FARS2: variants seen among roughly 807,000 people sequenced by gnomAD.
FARS2 encodes phenylalanine--tRNA ligase, mitochondrial.
In FARS2, 40 loss-of-function variants were observed where a neutral mutation model predicts 46.4. That is an observed-to-expected ratio of 0.86 (90% CI 0.67 to 1.12). The LOEUF (loss-of-function observed/expected upper bound fraction) is 1.12, where lower values mean the gene tolerates loss of function less well. Ranked by LOEUF, FARS2 falls within the 50% of genes most tolerant of loss-of-function variation. The pLI, the probability that FARS2 is intolerant of heterozygous loss-of-function variation, is 0.00. For synonymous variants in FARS2, 234 were observed against 214.9 expected, an observed-to-expected ratio of 1.09 and a Z score of -0.78; for missense variants, 513 against 567.9, an observed-to-expected ratio of 0.90 and a Z score of 0.98.
At chr6:5,579,007 A>C (rs190055319) in intron 5 of FARS2, among the ~76,000 whole-genome samples, 209 of 152,280 alleles carry the variant, frequency 1.4e-3, no homozygotes, top group Non-Finnish European at 2.1e-3. Context: ...AGTGAGTTTC[A>C]ATACACATAA....
At chr6:5,459,697 C>G (rs548927504) in intron 4 of FARS2, among the ~76,000 whole-genome samples, 1 of 152,274 alleles carries the variant, frequency 6.6e-6, no homozygotes, top group Non-Finnish European at 1.5e-5. Flanking sequence ...AGTTTACTCC[C>G]TTTCTAGCTT....
intron 2 of FARS2, chr6:5,371,056 T>C (rs1359216807): frequency 3.4e-6 from 1 of 294,832 alleles, no homozygotes; most frequent in Non-Finnish European, 5.0e-6. Context: ...TGCCTAGAAC[T>C]GGAACTCAGC....
intron 5 of FARS2, chr6:5,609,266 G>A: frequency 9.1e-7 from 1 of 1,093,098 alleles, no homozygotes; most frequent in Non-Finnish European, 1.4e-6. Flanking sequence ...TGCTGCTACT[G>A]GAACTGCCCT....
At chr6:5,432,423 ATATAT>A (rs1161262447) in intron 4 of FARS2, among the ~76,000 whole-genome samples, 3 of 127,686 alleles carry the variant, frequency 2.3e-5, no homozygotes, top group African/African-American at 6.0e-5. Flanking sequence ...ATAATATATA[ATATAT>A]TATAAATATA....
intron 5 of FARS2, among the ~76,000 whole-genome samples, chr6:5,546,320 G>A (rs1770990858): frequency 6.8e-6 from 1 of 146,794 alleles, no homozygotes; most frequent in Non-Finnish European, 1.5e-5. Context: ...GCGCGATCTT[G>A]GCTCACTGCA....
At chr6:5,436,921 G>A (rs1350840248) in intron 4 of FARS2, among the ~76,000 whole-genome samples, 2 of 152,292 alleles carry the variant, frequency 1.3e-5, no homozygotes, top group East Asian at 1.9e-4. Context: ...TATAATTGAA[G>A]TGTAATGAAC....
intron 4 of FARS2, among the ~76,000 whole-genome samples, chr6:5,510,492 T>C (rs1191388308): frequency 6.6e-6 from 1 of 152,216 alleles, no homozygotes; most frequent in African/African-American, 2.4e-5. Context: ...TCGCCCTAGT[T>C]AGTCTTTAAG....
intron 1 of FARS2, among the ~76,000 whole-genome samples, chr6:5,314,738 A>G (rs959912355): frequency 1.3e-5 from 2 of 152,198 alleles, no homozygotes; most frequent in Non-Finnish European, 2.9e-5. Flanking sequence ...ATATGGGGTT[A>G]CCACTGGCTC....
Position 5,431,179 on chromosome 6 carries a change from A to G in FARS2, c.904+7A>G. The G allele has an allele frequency of 6.2e-7, 1 of 1,613,454 alleles. No individual in the cohort carries two copies. The highest frequency in any genetic ancestry group is 8.5e-7 in the Non-Finnish European group (1 of 1,179,576). On this transcript the variant is annotated splice_region_variant and intron_variant, in intron 4 of 6. Coordinates refer to ENST00000274680, the MANE Select transcript of FARS2 (RefSeq NM_006567.5). ...CAACAACTGGTCAATTCAGGTAAAA[A>G]AGAATCCCACATTTTATTTACACGT...
rs983849626 is a variant in FARS2 at position 5,599,612 on chromosome 6, T to C, written c.1066-13557T>C. Among the ~76,000 whole-genome samples, 5 of 152,284 alleles carry C rather than the reference T, an allele frequency of 3.3e-5. No individual in the cohort carries two copies. In the East Asian group the frequency reaches 9.6e-4, roughly 29 times the overall value. On this transcript the variant is annotated intron_variant, in intron 5 of 6. Transcript: ENST00000274680. ...ACGTTTGCAAGATTAATTTACCTGC[T>C]ATACAATTCACCCATTTAAGGTCTG...
chr6:5,640,728 A>T (rs1776775641), intron 6 of FARS2, among the ~76,000 whole-genome samples: 1 of 152,212 alleles, frequency 6.6e-6, no homozygotes, highest in African/African-American at 2.4e-5. Flanking sequence ...CAGACACCTG[A>T]CCCATACCAC....
chr6:5,768,041 G>C lies in FARS2; in HGVS notation c.1218-3250G>C, dbSNP rs151105760. Among the ~76,000 whole-genome samples, 56 of 152,158 alleles carry C rather than the reference G, an allele frequency of 3.7e-4. 1 individual carries two copies. In the East Asian group the frequency reaches 0.011, roughly 29 times the overall value. On this transcript the variant is annotated intron_variant, in intron 6 of 6. Coordinates refer to ENST00000274680, the MANE Select transcript of FARS2 (RefSeq NM_006567.5). ...CCACTCTTCAAGAATGAGGGACCAG[G>C]GTCCTCCACTCCTGACCACTTGCCA...
chr6:5,284,813 C>T (rs987095507), intron 1 of FARS2, among the ~76,000 whole-genome samples: 1 of 152,286 alleles, frequency 6.6e-6, no homozygotes, highest in African/African-American at 2.4e-5. Flanking sequence ...CTCCTCTCAG[C>T]GCTTCTGTCT....
chr6:5,315,535 A>G (rs1229211308), intron 1 of FARS2, among the ~76,000 whole-genome samples: 3 of 152,192 alleles, frequency 2.0e-5, no homozygotes, highest in Non-Finnish European at 2.9e-5. Flanking sequence ...TAAATGGGAA[A>G]TTCATTTGAT....
At chr6:5,264,314 G>A (rs1056249282) in intron 1 of FARS2, among the ~76,000 whole-genome samples, 1 of 152,080 alleles carries the variant, frequency 6.6e-6, no homozygotes, top group Non-Finnish European at 1.5e-5. Context: ...ATGAATCCAA[G>A]TATTATACAT....
chr6:5,495,733 G>C (rs1334812930), intron 4 of FARS2, among the ~76,000 whole-genome samples: 1 of 152,202 alleles, frequency 6.6e-6, no homozygotes, highest in Non-Finnish European at 1.5e-5. Flanking sequence ...TGATTGGCTT[G>C]ATCCATGCTA....
At chr6:5,614,116 C>G (rs754815934) in intron 6 of FARS2, among the ~76,000 whole-genome samples, 1 of 152,216 alleles carries the variant, frequency 6.6e-6, no homozygotes, top group Non-Finnish European at 1.5e-5. Context: ...GGGCCTGGAA[C>G]CTGCAAGGTC....
chr6:5,733,013 C>G (rs1177377808), intron 6 of FARS2, among the ~76,000 whole-genome samples: 4 of 152,158 alleles, frequency 2.6e-5, no homozygotes, highest in African/African-American at 7.2e-5. Flanking sequence ...TCCACACCAC[C>G]ACCAATGGCC....
intron 6 of FARS2, among the ~76,000 whole-genome samples, chr6:5,749,522 C>T (rs1470841961): frequency 6.6e-6 from 1 of 152,144 alleles, no homozygotes; most frequent in African/African-American, 2.4e-5. Context: ...TGGCACTGAC[C>T]CAGGCGGGGC....
Sources: allele counts gnomAD v4.1 joint callset (sites outside exome capture counted in the v4.1 genomes callset), GRCh38; gene constraint gnomAD v4.1.1; transcripts MANE v1.5; gene names NCBI Gene and HGNC (gene_info 2026-07-23, HGNC 2026-07-21).